Variants in NUGGC observed in about 807,000 individuals in gnomAD.
NUGGC encodes nuclear GTPase, germinal center associated.
In NUGGC, 58 loss-of-function variants were observed where a neutral mutation model predicts 92.6. That is an observed-to-expected ratio of 0.63 (90% CI 0.51 to 0.78). The LOEUF is 0.78. Among genes scored for constraint, NUGGC ranks in the 30% least tolerant of loss-of-function variants. NUGGC has a pLI of 0.00. For synonymous variants in NUGGC, 376 were observed against 366.4 expected (o/e 1.03, Z -0.30); for missense variants, 925 against 964.6 (o/e 0.96, Z 0.54).
chr8:28,038,040 G>C (rs927278322), intron 13 of NUGGC, among the ~76,000 whole-genome samples: 4 of 152,202 alleles, frequency 2.6e-5, no homozygotes, highest in African/African-American at 9.7e-5. Flanking sequence ...GAGAGAAGCA[G>C]CCTGAGAATG....
At chr8:28,082,742 C>T (rs1172000075) in intron 1 of NUGGC, among the ~76,000 whole-genome samples, 1 of 152,086 alleles carries the variant, frequency 6.6e-6, no homozygotes, top group Non-Finnish European at 1.5e-5. Flanking sequence ...CTCATCTCTA[C>T]AATTTTTTTT....
chr8:28,082,603 T>C (rs559210697), intron 1 of NUGGC, among the ~76,000 whole-genome samples: 10 of 152,342 alleles, frequency 6.6e-5, no homozygotes, highest in Non-Finnish European at 1.2e-4. Flanking sequence ...TTACATAGCC[T>C]TAAAATTCAC....
At chr8:28,081,530 C>T (rs536166158) in intron 1 of NUGGC, among the ~76,000 whole-genome samples, 12 of 152,212 alleles carry the variant, frequency 7.9e-5, no homozygotes, top group African/African-American at 2.6e-4. Context: ...TTCTGACTCC[C>T]GTTCTTGTCC....
chr8:28,031,516 A>G (rs1809417946), intron 14 of NUGGC, 135 bp from the exon 15 acceptor site: 1 of 846,950 alleles, frequency 1.2e-6, no homozygotes, highest in African/African-American at 1.7e-5. Flanking sequence ...AAATCCCTAT[A>G]ATGTGCCAGG....
At chr8:28,036,041 C>A (rs1017349014) in intron 13 of NUGGC, among the ~76,000 whole-genome samples, 6 of 149,900 alleles carry the variant, frequency 4.0e-5, no homozygotes, top group Non-Finnish European at 7.4e-5. Context: ...TGCCACCATG[C>A]CCAACTTTTT....
At chr8:28,065,152 CTTTTTTTTTT>C (rs5890398) in intron 6 of NUGGC, among the ~76,000 whole-genome samples, 2 of 79,884 alleles carry the variant, frequency 2.5e-5, no homozygotes, top group South Asian at 1.0e-3. Flanking sequence ...GAAATTGGAT[CTTTTTTTTTT>C]TTTTTTTTTT....
In NUGGC at chr8:28,068,213, T is replaced by C; in HGVS notation, c.480+3A>G. On this transcript the variant is annotated splice_donor_region_variant and intron_variant, in intron 5 of 18. Transcript: ENST00000413272. The stretch of plus-strand genomic sequence containing the variant: ...AGGAAGGAGGGAGGAAGGGAACACT[T>C]ACCTGGTCAGACAGAAGGTGGATTT... 6.5e-7 allele frequency: 1 copy of C among 1,531,564 alleles called. No individual in the cohort carries two copies. The highest frequency in any genetic ancestry group is 8.8e-7 in the Non-Finnish European group (1 of 1,130,440). 94.9% of individuals were successfully genotyped at this position (1,531,564 alleles called of 1,614,324 possible).
At chr8:28,039,071 C>T (rs917798976) in intron 13 of NUGGC, among the ~76,000 whole-genome samples, 4 of 152,168 alleles carry the variant, frequency 2.6e-5, no homozygotes, top group African/African-American at 9.7e-5. Context: ...AGCTGTCATC[C>T]TCCTGTGTCC....
intron 15 of NUGGC, 60 bp from the exon 16 acceptor site, chr8:28,030,478 G>A (rs1399038018): frequency 3.5e-6 from 3 of 852,418 alleles, no homozygotes; most frequent in Non-Finnish European, 5.9e-6. Flanking sequence ...AGCAGGTCAG[G>A]TGTCCCAGTG....
rs1810393347 is a variant in NUGGC, at chr8:28,064,679, T to C, written c.764A>G (p.Asp255Gly). ...LDPYIRTQRR[D>G]WDGEAAEMRI... ...CATCTCAGCGGCCTCTCCATCCCAA[T>C]CTCTCCTCTGTGTGCGGATGTAGGG... The change falls in exon 7 of 19, where the codon GAT becomes GGT. Residue 255 changes from aspartate to glycine, a missense_variant. Asp to Gly is a moderately conservative substitution (Grantham distance 94). Coordinates refer to ENST00000413272, the MANE Select transcript of NUGGC (RefSeq NM_001010906.2). The C allele has an allele frequency of 6.2e-7, 1 of 1,614,030 alleles. No individual in the cohort carries two copies.
rs1428031956 is a variant in NUGGC at position 28,023,324 on chromosome 8, G to A, written c.2384C>T (p.Ser795Leu). Residue 795 changes from serine to leucine, a missense_variant, in exon 19 of 19, where the codon TCA becomes TTA. By Grantham distance (145) the Ser-to-Leu change is moderately radical. Coordinates refer to ENST00000413272, the MANE Select transcript of NUGGC (RefSeq NM_001010906.2). ...SPSKAGPPGT[S>L]L ...GGGACTAAGCCCCAGGAGTTACAGTGATGTCCCGGGGGGGCCAGCCTTGCT... is the reference window on the plus strand; with the variant it reads ...GGGACTAAGCCCCAGGAGTTACAGTAATGTCCCGGGGGGGCCAGCCTTGCT... 6.2e-7 allele frequency: 1 copy of A among 1,613,264 alleles called. No individual in the cohort carries two copies. The highest frequency in any genetic ancestry group is 1.1e-5 in the South Asian group (1 of 90,928).
At chr8:28,077,602 C>T (rs1182336456) in intron 1 of NUGGC, among the ~76,000 whole-genome samples, 1 of 151,940 alleles carries the variant, frequency 6.6e-6, no homozygotes, top group Non-Finnish European at 1.5e-5. Context: ...CTAGGATTAC[C>T]CCTAGGAAAA....
intron 12 of NUGGC, 95 bp downstream of exon 12, chr8:28,045,432 A>G (rs1316431070): frequency 8.0e-7 from 1 of 1,250,878 alleles, no homozygotes; most frequent in Non-Finnish European, 1.1e-6. Flanking sequence ...TTTAATATGA[A>G]AAGAAAAAAT....
intron 10 of NUGGC, among the ~76,000 whole-genome samples, chr8:28,048,860 CAAAAA>C (rs60050826): frequency 6.1e-4 from 67 of 109,370 alleles, no homozygotes; most frequent in East Asian, 2.7e-3. Context: ...GATTCCATCT[CAAAAA>C]AAAAAAAAAA....
Position 28,023,269 on chromosome 8 carries a change from C to A in NUGGC, c.*48G>T, listed in dbSNP as rs186710959. The A allele has an allele frequency of 1.3e-6, 2 of 1,574,718 alleles. No individual in the cohort carries two copies. The highest frequency in any genetic ancestry group is 1.9e-5 in the Admixed American group (1 of 53,328). On this transcript the variant is annotated 3_prime_UTR_variant, in exon 19 of 19. Coordinates refer to ENST00000413272, the MANE Select transcript of NUGGC (RefSeq NM_001010906.2). ...AAGAACAAAAAAAGTAATTCTAATT[C>A]TCTGGCTCTGGGCTGATTTTTCATC...
intron 14 of NUGGC, among the ~76,000 whole-genome samples, chr8:28,032,666 T>C (rs1480770326): frequency 1.4e-5 from 2 of 145,360 alleles, no homozygotes; most frequent in African/African-American, 5.2e-5. Flanking sequence ...TCCAATGAGC[T>C]GAGATCGCGC....
chr8:28,024,195 CTTTTTTT>C (rs763885790), intron 18 of NUGGC, among the ~76,000 whole-genome samples: 4 of 124,016 alleles, frequency 3.2e-5, no homozygotes, highest in South Asian at 5.3e-4. Context: ...TAAATTCTTT[CTTTTTTT>C]TTTTTTTTTT....
chr8:28,064,827 T>C, intron 6 of NUGGC, 96 bp from the exon 7 acceptor site: 1 of 1,049,294 alleles, frequency 9.5e-7, no homozygotes, highest in Non-Finnish European at 1.4e-6. Flanking sequence ...GTATGCTGAG[T>C]AAGGGTAAGA....
intron 14 of NUGGC, among the ~76,000 whole-genome samples, chr8:28,032,488 C>T (rs1027003916): frequency 6.0e-5 from 9 of 151,202 alleles, no homozygotes; most frequent in African/African-American, 1.7e-4. Flanking sequence ...GAGGCCGAGG[C>T]GGGCAGATCA....
Sources: gnomAD v4.1 joint callset for allele counts (sites outside exome capture counted in the v4.1 genomes callset) on GRCh38, gnomAD v4.1.1 for gene constraint, MANE v1.5 for transcripts, NCBI Gene and HGNC (gene_info 2026-07-23, HGNC 2026-07-21) for gene names.